The following MDN1 variants were observed in gnomAD, a reference collection of about 807,000 sequenced individuals.
The protein encoded by MDN1 is midasin.
MDN1 carries 266 observed loss-of-function variants against 669.2 expected under a neutral mutation model. The ratio of observed to expected loss-of-function variants is 0.40; its 90% CI spans 0.36 to 0.44. MDN1 has a LOEUF of 0.44. Ranked by LOEUF, MDN1 falls within the 20% of genes least tolerant of loss-of-function variation. MDN1 has a pLI of 1.00. For missense variants in MDN1, 5,940 were observed against 6,754.0 expected (o/e 0.88, Z 4.22); for synonymous variants, 2,385 against 2,457.1 (o/e 0.97, Z 0.87).
rs767995879 is a variant in MDN1, at chr6:89,787,951, C to T, written c.1237G>A (p.Val413Met). The change falls in exon 8 of 102, where the codon GTG becomes ATG. Residue 413 changes from valine (V) to methionine (M), a missense_variant. Physicochemically the swap from Val to Met is conservative, Grantham distance 21. Around this residue, in one of 5 missense-constraint regions of MDN1, gnomAD observed 1,203 missense variants for 1,268.9 expected, o/e 0.95. Coordinates refer to ENST00000369393, the MANE Select transcript of MDN1 (RefSeq NM_014611.3). ...IDYAPLDVVS[V>M]LIPLLENGEL... The stretch of plus-strand genomic sequence containing the variant: ...CCATTCTCCAAGAGAGGGATCAGCA[C>T]AGAAACCTAAATCAGATAACAACAA... 2 of 1,612,544 alleles carry T rather than the reference C, an allele frequency of 1.2e-6. No individual in the cohort carries two copies. The highest frequency in any genetic ancestry group is 1.7e-6 in the Non-Finnish European group (2 of 1,179,568).
Position 89,675,553 on chromosome 6 carries a change from C to T in MDN1, c.12672G>A (p.Arg4224=), listed in dbSNP as rs1456492835. The T allele has an allele frequency of 1.2e-6, 2 of 1,613,982 alleles. No individual in the cohort carries two copies. The highest frequency in any genetic ancestry group is 1.7e-6 in the Non-Finnish European group (2 of 1,180,022). Residue 4224 remains arginine (R), a synonymous_variant, in exon 78 of 102, where the codon AGG becomes AGA. Transcript: ENST00000369393. ...AKEMGMGNVE[R]CRGFSAHLMK... ...TCAAATGTGCTGAGAACCCTCTGCA[C>T]CTCTCCACGTTGCCCATGCCCATTT...
At position 89,687,441 on chromosome 6, in the gene MDN1, A is replaced by T; in HGVS notation, c.11356-3T>A. Reference sequence around the variant, plus strand: ...CGACTTGCATTTTCCTCCCAATCCTAAAGAAACAAAGATAAAATTTACTAC... The same window carrying T: ...CGACTTGCATTTTCCTCCCAATCCTTAAGAAACAAAGATAAAATTTACTAC... On this transcript the variant is annotated splice_region_variant and splice_polypyrimidine_tract_variant and intron_variant, in intron 67 of 101. Coordinates refer to ENST00000369393, the MANE Select transcript of MDN1 (RefSeq NM_014611.3). 1 of 1,611,752 alleles carries T rather than the reference A, an allele frequency of 6.2e-7. No homozygotes were observed. The highest frequency in any genetic ancestry group is 1.3e-5 in the African/African-American group (1 of 75,004).
Position 89,644,191 on chromosome 6 carries a change from A to T in MDN1, c.16605T>A (p.Asp5535Glu). 6.2e-7 allele frequency: 1 copy of T among 1,606,244 alleles called. No individual in the cohort carries two copies. The highest frequency in any genetic ancestry group is 8.5e-7 in the Non-Finnish European group (1 of 1,176,574). The change falls in exon 102 of 102, where the codon GAT becomes GAA. Residue 5535 changes from aspartate to glutamate, a missense_variant and splice_region_variant. Coordinates refer to ENST00000369393, the MANE Select transcript of MDN1 (RefSeq NM_014611.3). ...TCGGTACTTTAATGTCCAAGATAGAATCCTGTCAACAAAAGACATTTTGAA... is the reference window on the plus strand; with the variant it reads ...TCGGTACTTTAATGTCCAAGATAGATTCCTGTCAACAAAAGACATTTTGAA... ...FVVLDNPSSR[D>E]SILDIKVPIF... is the part of the protein sequence containing the mutation.
At chr6:89,767,089 G>A (rs7749082) in intron 15 of MDN1, among the ~76,000 whole-genome samples, 124,605 of 152,016 alleles carry the variant, frequency 0.82, 51,387 homozygotes, top group East Asian at 0.95. Flanking sequence ...TCTTTCTGGA[G>A]TGATTTTATC....
intron 8 of MDN1, among the ~76,000 whole-genome samples, chr6:89,785,992 T>C (rs929177600): frequency 1.3e-5 from 2 of 150,330 alleles, no homozygotes; most frequent in African/African-American, 4.9e-5. Context: ...ATAAGACAGG[T>C]GTGGTGGCTC....
chr6:89,671,177 G>T (rs1810727396), intron 82 of MDN1, 97 bp from the exon 83 acceptor site: 1 of 1,336,368 alleles, frequency 7.5e-7, no homozygotes, highest in African/African-American at 1.5e-5. Context: ...GCACAACATT[G>T]TGAATGTACT....
At chr6:89,734,716 A>AGAGAGAGAGAGAGAGAGAGAGAG (rs1562158027) in intron 33 of MDN1, among the ~76,000 whole-genome samples, 4 of 146,770 alleles carry the variant, frequency 2.7e-5, no homozygotes, top group Admixed American at 1.4e-4. Context: ...AGAGAGAGAG[A>AGAGAGAGAGAGAGAGAGAGAGAG]ACTCCCTGAT....
intron 11 of MDN1, among the ~76,000 whole-genome samples, chr6:89,777,470 G>A (rs1306677519): frequency 2.0e-5 from 3 of 152,180 alleles, no homozygotes; most frequent in African/African-American, 7.2e-5. Context: ...AAGCAAGGAT[G>A]ATAATAGTCC....
intron 58 of MDN1, among the ~76,000 whole-genome samples, 197 bp downstream of exon 58, chr6:89,699,403 GA>G (rs1333280426): frequency 1.3e-5 from 2 of 152,130 alleles, no homozygotes; most frequent in African/African-American, 4.8e-5. Flanking sequence ...ATACTCCTGT[GA>G]TAAGAGTTGT....
At chr6:89,676,254 C>T (rs1431816440) in intron 76 of MDN1, 47 bp from the exon 77 acceptor site, 1 of 1,529,148 alleles carries the variant, frequency 6.5e-7, no homozygotes, top group African/African-American at 1.4e-5. Flanking sequence ...CCACGCTCTC[C>T]CACCCCAGAT....
At chr6:89,769,948 A>G (rs1165343767) in intron 15 of MDN1, among the ~76,000 whole-genome samples, 1 of 152,164 alleles carries the variant, frequency 6.6e-6, no homozygotes, top group African/African-American at 2.4e-5. Context: ...ATAGAGAGAA[A>G]TAGACCAGGC....
Position 89,780,215 on chromosome 6 carries a change from T to A in MDN1, c.1722A>T (p.Gln574His). 1 of 1,551,380 alleles carries A rather than the reference T, an allele frequency of 6.4e-7. No individual in the cohort carries two copies. Among genetic ancestry groups the A allele is most frequent in the Non-Finnish European group, 8.7e-7 (1 of 1,146,908 alleles). The change falls in exon 11 of 102, where the codon CAA (glutamine) becomes CAT (histidine). Residue 574 changes from glutamine to histidine, a missense_variant. Gln to His is a conservative substitution (Grantham distance 24). Around this residue, in one of 5 missense-constraint regions of MDN1, gnomAD observed 1,203 missense variants for 1,268.9 expected, o/e 0.95. Transcript: ENST00000369393. ...AGACTGGAAAACTATATCTTACCTC[T>A]TGAAAAATATTTAATGATGCTGATA... Reference protein sequence around the residue: ...SSLSASLNIFQEALDCFTAML... With the variant: ...SSLSASLNIFHEALDCFTAML...
chr6:89,758,895 A>G lies in MDN1; in HGVS notation c.2526T>C (p.Ala842=), dbSNP rs947076017. The change falls in exon 18 of 102, where the codon GCT becomes GCC. Residue 842 remains alanine (A), a synonymous_variant. Transcript: ENST00000369393. The stretch of plus-strand genomic sequence containing the variant: ...CACTCAGACATTCTAGTATTTCTGG[A>G]GCAGCCAAGTTAATCTCATCCAACA... ...WILLDEINLA[A]PEILECLSGL... is the part of the protein sequence containing the mutation. The G allele has an allele frequency of 6.2e-7, 1 of 1,614,058 alleles. No individual in the cohort carries two copies. The highest frequency in any genetic ancestry group is 8.5e-7 in the Non-Finnish European group (1 of 1,179,898).
Position 89,783,874 on chromosome 6 carries a change from C to T in MDN1, c.1449+1138G>A, listed in dbSNP as rs191300726. Among the ~76,000 whole-genome samples the T allele has an allele frequency of 6.6e-3, 997 of 151,538 alleles. 1 individual carries two copies. The highest frequency in any genetic ancestry group is 0.011 in the African/African-American group (462 of 41,260). On this transcript the variant is annotated intron_variant, in intron 9 of 101. Transcript: ENST00000369393. Reference sequence around the variant, plus strand: ...CCAATAGTGGCATGCACCAGCTACTCGGGAGGCTGAGGCAGGAGAATCGCT... The same window carrying T: ...CCAATAGTGGCATGCACCAGCTACTTGGGAGGCTGAGGCAGGAGAATCGCT...
rs199761200 is a variant in MDN1, at chr6:89,648,137, T to G, written c.16290A>C (p.Glu5430Asp). Residue 5430 changes from glutamate (E) to aspartate (D), a missense_variant, in exon 99 of 102, where the codon GAA becomes GAC. This residue lies in a region of MDN1 where 2,280 missense variants were observed against 2,576.3 expected (regional missense o/e 0.88). Coordinates refer to ENST00000369393, the MANE Select transcript of MDN1 (RefSeq NM_014611.3). Reference protein sequence around the residue: ...VGQIAVCSFGESVKLLHPFHE... With the variant: ...VGQIAVCSFGDSVKLLHPFHE... Reference sequence around the variant, plus strand: ...GAAATGGGTGTAACAGCTTTACAGATTCTCCAAAACTTGGGGGAGGAAAAC... The same window carrying G: ...GAAATGGGTGTAACAGCTTTACAGAGTCTCCAAAACTTGGGGGAGGAAAAC... 1.9e-4 allele frequency: 308 copies of G among 1,613,986 alleles called. 2 individuals carry two copies. The South Asian group carries it at 3.0e-3, about 16-fold the overall frequency.
intron 96 of MDN1, 145 bp from the exon 97 acceptor site, chr6:89,650,343 G>T: frequency 2.6e-6 from 2 of 774,346 alleles, no homozygotes; most frequent in Non-Finnish European, 2.0e-6. Flanking sequence ...GTCAATTGAC[G>T]ACTAAGGATC....
At chr6:89,731,019 G>A in intron 34 of MDN1, 96 bp from the exon 35 acceptor site, 1 of 1,100,208 alleles carries the variant, frequency 9.1e-7, no homozygotes, top group South Asian at 1.6e-5. Context: ...GGAAAAAAGA[G>A]GCCTCAGCAA....
chr6:89,701,257 A>T (rs1182316905), intron 55 of MDN1, among the ~76,000 whole-genome samples: 1 of 152,250 alleles, frequency 6.6e-6, no homozygotes, highest in Non-Finnish European at 1.5e-5. Context: ...ATACAGTATA[A>T]TCACTATTTA....
At chr6:89,715,795 G>A (rs1237237672) in intron 44 of MDN1, 26 bp from the exon 45 acceptor site, 1 of 1,454,806 alleles carries the variant, frequency 6.9e-7, no homozygotes, top group Non-Finnish European at 9.7e-7. Flanking sequence ...TCAGATGGTG[G>A]ATAGGCTGAC....
Sources: gnomAD v4.1 joint callset for allele counts (sites outside exome capture counted in the v4.1 genomes callset) on GRCh38, gnomAD v4.1.1 for gene constraint, gnomAD v4.1.1 regional missense constraint, MANE v1.5 for transcripts, NCBI Gene and HGNC (gene_info 2026-07-23, HGNC 2026-07-21) for gene names.